The following NSMCE2 variants were observed in gnomAD, a reference collection of about 807,000 sequenced individuals.
NSMCE2 encodes E3 SUMO-protein ligase NSE2.
A neutral mutation model predicts 23.8 loss-of-function variants in NSMCE2; 24 were observed. The ratio of observed to expected loss-of-function variants is 1.01; its 90% confidence interval spans 0.73 to 1.42. The LOEUF (loss-of-function observed/expected upper bound fraction) is 1.42, where lower values mean the gene tolerates loss of function less well. Ranked by LOEUF, NSMCE2 falls within the 40% of genes most tolerant of loss-of-function variation. The pLI is 0.00. For missense variants in NSMCE2, 284 were observed against 296.5 expected (o/e 0.96, Z 0.31); for synonymous variants, 92 against 94.1 (o/e 0.98, Z 0.13).
chr8:125,108,033 CAA>C (rs11292879), intron 3 of NSMCE2, among the ~76,000 whole-genome samples: 1 of 149,330 alleles, frequency 6.7e-6, no homozygotes. Flanking sequence ...GAGCCTGTCT[CAA>C]AAAAAAAATA....
At chr8:125,306,258 A>T (rs2131215283) in intron 5 of NSMCE2, among the ~76,000 whole-genome samples, 1 of 152,212 alleles carries the variant, frequency 6.6e-6, no homozygotes, top group Admixed American at 6.5e-5. Context: ...TGAGCCCAGG[A>T]GGTTGAGGCT....
chr8:125,210,689 A>G (rs773405355), intron 5 of NSMCE2, among the ~76,000 whole-genome samples: 15 of 151,634 alleles, frequency 9.9e-5, no homozygotes, highest in Non-Finnish European at 1.9e-4. Context: ...TTACCTAGCC[A>G]TCTCTTCCCC....
intron 7 of NSMCE2, among the ~76,000 whole-genome samples, chr8:125,364,676 A>G (rs1813706277): frequency 6.6e-6 from 1 of 152,188 alleles, no homozygotes; most frequent in Admixed American, 6.5e-5. Flanking sequence ...GAACTTTAAA[A>G]CTTCTTGGAA....
At chr8:125,099,635 A>T (rs992429667) in intron 1 of NSMCE2, among the ~76,000 whole-genome samples, 5 of 152,098 alleles carry the variant, frequency 3.3e-5, no homozygotes, top group African/African-American at 1.2e-4. Flanking sequence ...GTCAAAGGAG[A>T]TAGGGCTGAG....
chr8:125,349,906 C>T (rs1372524522), intron 5 of NSMCE2, among the ~76,000 whole-genome samples: 1 of 152,234 alleles, frequency 6.6e-6, no homozygotes, highest in East Asian at 1.9e-4. Context: ...GAAGTCCTCT[C>T]TGTCATTTGG....
chr8:125,106,486 T>TGGTGAAACCAGCCTGGTGA lies in NSMCE2; in HGVS notation c.157+4000_157+4001insGTGAAACCAGCCTGGTGAG, dbSNP rs568372343. On this transcript the variant is annotated intron_variant, in intron 3 of 7. Coordinates refer to ENST00000287437, the MANE Select transcript of NSMCE2 (RefSeq NM_173685.4). ...CGAGGTCAGGAGTTTGAGACCAGCC[T>TGGTGAAACCAGCCTGGTGA]GACCAACTTGGTGAAACCCCATCTC... Among the ~76,000 whole-genome samples the TGGTGAAACCAGCCTGGTGA allele has an allele frequency of 4.6e-5, 7 of 152,188 alleles. No individual in the cohort carries two copies. In the South Asian group the frequency reaches 1.5e-3, roughly 32 times the overall value.
intron 5 of NSMCE2, among the ~76,000 whole-genome samples, chr8:125,257,577 A>C (rs567411623): frequency 8.2e-6 from 1 of 122,138 alleles, no homozygotes; most frequent in Non-Finnish European, 1.6e-5. Flanking sequence ...TCTGTCGCCC[A>C]GGCTGGAGTG....
At chr8:125,149,075 A>G (rs1820841483) in intron 3 of NSMCE2, among the ~76,000 whole-genome samples, 1 of 152,196 alleles carries the variant, frequency 6.6e-6, no homozygotes, top group Non-Finnish European at 1.5e-5. Flanking sequence ...ATAGTCTAAC[A>G]ATTTTACCTG....
At chr8:125,116,106 T>C (rs1818995026) in intron 3 of NSMCE2, among the ~76,000 whole-genome samples, 1 of 152,232 alleles carries the variant, frequency 6.6e-6, no homozygotes, top group Non-Finnish European at 1.5e-5. Context: ...CTGCTAACCA[T>C]GGATGAATGG....
intron 5 of NSMCE2, among the ~76,000 whole-genome samples, chr8:125,269,930 G>A (rs974845141): frequency 6.6e-6 from 1 of 152,262 alleles, no homozygotes; most frequent in East Asian, 1.9e-4. Context: ...ATAATTTATT[G>A]ATTACGTATG....
chr8:125,273,877 G>A (rs1350338273), intron 5 of NSMCE2, among the ~76,000 whole-genome samples: 1 of 152,170 alleles, frequency 6.6e-6, no homozygotes, highest in Non-Finnish European at 1.5e-5. Context: ...CACACAAGTG[G>A]AGTCATTTCT....
chr8:125,138,733 C>A (rs569249282), intron 3 of NSMCE2, among the ~76,000 whole-genome samples: 1 of 152,046 alleles, frequency 6.6e-6, no homozygotes, highest in Admixed American at 6.6e-5. Flanking sequence ...TGTTATTTAT[C>A]CTGGGAAGCA....
At chr8:125,289,099 A>C (rs140713336) in intron 5 of NSMCE2, among the ~76,000 whole-genome samples, 1 of 152,276 alleles carries the variant, frequency 6.6e-6, no homozygotes, top group South Asian at 2.1e-4. Context: ...CTTTTCCCCC[A>C]GTCTTTAATT....
intron 7 of NSMCE2, among the ~76,000 whole-genome samples, chr8:125,361,750 G>C (rs1237043945): frequency 6.6e-6 from 1 of 152,212 alleles, no homozygotes; most frequent in African/African-American, 2.4e-5. Context: ...GAGGCTGATA[G>C]AGTTGTTATC....
At position 125,102,384 on chromosome 8, in the gene NSMCE2, T is replaced by G; in HGVS notation, c.54T>G (p.Ser18Arg). Residue 18 changes from serine to arginine, a missense_variant, in exon 3 of 8, where the codon AGT becomes AGG. Transcript: ENST00000287437. ...NSGSTGFISF[S>R]GVESALSSLK... Reference sequence around the variant, plus strand: ...GTTCAACTGGTTTCATCTCCTTCAGTGGTGTAGAGTCTGCTCTCTCCTCCT... The same window carrying G: ...GTTCAACTGGTTTCATCTCCTTCAGGGGTGTAGAGTCTGCTCTCTCCTCCT... 1.2e-6 allele frequency: 2 copies of G among 1,613,572 alleles called. No homozygotes were observed. Among genetic ancestry groups the G allele is most frequent in the South Asian group, 2.2e-5 (2 of 91,070 alleles).
intron 5 of NSMCE2, among the ~76,000 whole-genome samples, chr8:125,307,718 A>C (rs1354155040): frequency 6.6e-6 from 1 of 152,226 alleles, no homozygotes; most frequent in Non-Finnish European, 1.5e-5. Flanking sequence ...CCCACAAAGT[A>C]GAGGTATAAA....
Position 125,302,035 on chromosome 8 carries a change from C to T in NSMCE2, c.419-55184C>T, listed in dbSNP as rs142513090. Among the ~76,000 whole-genome samples, 600 of 151,852 alleles carry T rather than the reference C, an allele frequency of 4.0e-3. 2 individuals carry two copies. The highest frequency in any genetic ancestry group is 7.2e-3 in the Non-Finnish European group (489 of 67,992). ...AGTGCAGTGGCACAATCTCAGCTCACTCAAATTCTGCCTCCCAGGATCATG... is the reference window on the plus strand; with the variant it reads ...AGTGCAGTGGCACAATCTCAGCTCATTCAAATTCTGCCTCCCAGGATCATG... On this transcript the variant is annotated intron_variant, in intron 5 of 7. Coordinates refer to ENST00000287437, the MANE Select transcript of NSMCE2 (RefSeq NM_173685.4).
In NSMCE2 at chr8:125,157,796, A is replaced by G. The variant is rs111793678; in HGVS notation, c.264+6519A>G. Among the ~76,000 whole-genome samples the G allele has an allele frequency of 5.4e-3, 822 of 152,316 alleles. 3 individuals are homozygous for G. Among genetic ancestry groups the G allele is most frequent in the Non-Finnish European group, 8.1e-3 (553 of 68,028 alleles). On this transcript the variant is annotated intron_variant, in intron 4 of 7. Coordinates refer to ENST00000287437, the MANE Select transcript of NSMCE2 (RefSeq NM_173685.4). ...TTATTAAATGTTGGGTTTTAATCAGACTTATAAAACTGTTACTGGGCCTTA... is the reference window on the plus strand; with the variant it reads ...TTATTAAATGTTGGGTTTTAATCAGGCTTATAAAACTGTTACTGGGCCTTA...
At chr8:125,250,430 C>A (rs1044692679) in intron 5 of NSMCE2, among the ~76,000 whole-genome samples, 1 of 152,116 alleles carries the variant, frequency 6.6e-6, no homozygotes, top group Non-Finnish European at 1.5e-5. Flanking sequence ...GGTTAGACTA[C>A]CTCTATTGAT....
Sources: allele counts gnomAD v4.1 joint callset (sites outside exome capture counted in the v4.1 genomes callset), GRCh38; gene constraint gnomAD v4.1.1; transcripts MANE v1.5; gene names NCBI Gene and HGNC (gene_info 2026-07-23, HGNC 2026-07-21).